Variants in LAMB4 observed in about 807,000 individuals in gnomAD.
LAMB4 encodes the protein laminin subunit beta 4.
Under a neutral mutation model 199.2 loss-of-function variants are expected in LAMB4, and 196 were observed. That is an observed-to-expected ratio of 0.98 (90% CI 0.88 to 1.11). LAMB4 has a LOEUF of 1.11. Among genes scored for constraint, LAMB4 ranks in the 50% least tolerant of loss-of-function variants. The probability of loss-of-function intolerance (pLI) is 0.00; values close to 1 mark genes in which losing one functional copy is unlikely to be tolerated. For synonymous variants in LAMB4, 744 were observed against 770.6 expected (o/e 0.97, Z 0.57); for missense variants, 2,080 against 2,171.2 (o/e 0.96, Z 0.83).
At chr7:108,111,264 A>T (rs1459116333) in intron 4 of LAMB4, among the ~76,000 whole-genome samples, 1 of 152,228 alleles carries the variant, frequency 6.6e-6, no homozygotes, top group Non-Finnish European at 1.5e-5. Flanking sequence ...GTCAGCGCCA[A>T]TGTAGGCTCA....
rs779937252 is a variant in LAMB4, at chr7:108,068,044, G to T, written c.2418C>A (p.Ser806Arg). The change falls in exon 19 of 34, where the codon AGC becomes AGA. Residue 806 changes from serine to arginine, a missense_variant. Ser to Arg is a moderately radical substitution (Grantham distance 110). Transcript: ENST00000388781. ...GACAGCCGTGATGCCCCAAATCATA[G>T]CTTCCAGTTGAGCACCTGTCACAGC... ...GRCCDRCSTG[S>R]YDLGHHGCHP... The T allele has an allele frequency of 3.1e-6, 5 of 1,614,046 alleles. No homozygotes were observed. In the African/African-American group the frequency reaches 6.7e-5, roughly 22 times the overall value.
At chr7:108,129,020 C>T (rs1252284698) in intron 1 of LAMB4, among the ~76,000 whole-genome samples, 1 of 152,172 alleles carries the variant, frequency 6.6e-6, no homozygotes, top group Non-Finnish European at 1.5e-5. Flanking sequence ...TTGCAATAAA[C>T]AGTGAAATAT....
chr7:108,098,655 T>C, intron 10 of LAMB4, 73 bp from the exon 11 acceptor site: 2 of 1,250,914 alleles, frequency 1.6e-6, no homozygotes, highest in Non-Finnish European at 2.2e-6. Flanking sequence ...CACGGCATTT[T>C]ACTCATGCTA....
chr7:108,025,444 T>TC lies in LAMB4; in HGVS notation c.5147-1267_5147-1266insG, dbSNP rs1563024896. On this transcript the variant is annotated intron_variant, in intron 33 of 33. Coordinates refer to ENST00000388781, the MANE Select transcript of LAMB4 (RefSeq NM_007356.3). ...TCTTTCTTTCTTTCTTTTTTTTTTT[T>TC]TGAGACAGAGTTTTGCTCTTGTTGC... Among the ~76,000 whole-genome samples the TC allele has an allele frequency of 7.2e-4, 85 of 118,212 alleles. 6 individuals carry two copies. The highest frequency in any genetic ancestry group is 4.4e-3 in the African/African-American group (65 of 14,666). 77.6% of individuals were successfully genotyped at this position (118,212 alleles called of 152,430 possible).
intron 25 of LAMB4, among the ~76,000 whole-genome samples, chr7:108,055,377 G>A (rs924091864): frequency 6.6e-6 from 1 of 151,992 alleles, no homozygotes; most frequent in Non-Finnish European, 1.5e-5. Context: ...AGTAGAGAGG[G>A]GGTTTCTCCA....
chr7:108,022,171 TG>T (rs1357314021), downstream of LAMB4, among the ~76,000 whole-genome samples: 1 of 152,246 alleles, frequency 6.6e-6, no homozygotes, highest in Admixed American at 6.5e-5. Context: ...TTTTGTATGC[TG>T]TCAGATATCC....
In LAMB4 at chr7:108,087,098, A is replaced by G. The variant is rs768359912; in HGVS notation, c.1701+4528T>C. Among the ~76,000 whole-genome samples, 57 of 152,154 alleles carry G rather than the reference A, an allele frequency of 3.7e-4. 1 individual carries two copies. Among genetic ancestry groups the G allele is most frequent in the Non-Finnish European group, 4.4e-5 (3 of 68,020 alleles). On this transcript the variant is annotated intron_variant, in intron 14 of 33. Coordinates refer to ENST00000388781, the MANE Select transcript of LAMB4 (RefSeq NM_007356.3). ...AAGCAAGTCCCCATGACTGGCACAC[A>G]TGATCCTGGTAGGGGGAGCAATGTC...
chr7:108,032,509 C>T (rs983157125), intron 31 of LAMB4, among the ~76,000 whole-genome samples: 6 of 152,140 alleles, frequency 3.9e-5, no homozygotes, highest in African/African-American at 1.4e-4. Flanking sequence ...TTTGCCTCTG[C>T]CAGGCATCTG....
At chr7:108,037,291 C>T in intron 30 of LAMB4, 97 bp downstream of exon 30, 1 of 938,870 alleles carries the variant, frequency 1.1e-6, no homozygotes, top group Non-Finnish European at 1.6e-6. Flanking sequence ...AAGGTAATTT[C>T]ATTTGAATGC....
intron 4 of LAMB4, among the ~76,000 whole-genome samples, chr7:108,110,342 T>A (rs1410119010): frequency 6.6e-6 from 1 of 152,208 alleles, no homozygotes. Flanking sequence ...AAATCAGTGA[T>A]TCTTTATTAT....
At chr7:108,124,074 G>A (rs1410338155) in intron 1 of LAMB4, among the ~76,000 whole-genome samples, 1 of 151,870 alleles carries the variant, frequency 6.6e-6, no homozygotes, top group Non-Finnish European at 1.5e-5. Flanking sequence ...GAGTACAGTG[G>A]TGCAATGGTG....
intron 30 of LAMB4, 144 bp downstream of exon 30, chr7:108,037,244 G>A (rs537056708): frequency 9.1e-6 from 6 of 660,292 alleles, no homozygotes; most frequent in African/African-American, 9.0e-5. Flanking sequence ...AATCTCCAAA[G>A]AGAGCTCAGC....
intron 11 of LAMB4, among the ~76,000 whole-genome samples, chr7:108,095,832 G>C (rs2037575274): frequency 6.6e-6 from 1 of 152,228 alleles, no homozygotes; most frequent in East Asian, 1.9e-4. Flanking sequence ...ATGTTGCAAA[G>C]GCTAAAAAGA....
rs763353477 is a variant in LAMB4 at position 108,043,788 on chromosome 7, T to G, written c.4435A>C (p.Asn1479His). ...TTTTTCACTTTTTTGATGAAAAGAT[T>G]GATGTTTTCTTCTTCAGAGTCACTT... ...NQSDSEEENI[N>H]LFIKKVKNFL... Residue 1479 changes from asparagine to histidine, a missense_variant, in exon 29 of 34, where the codon AAT (asparagine) becomes CAT (histidine). By Grantham distance (68) the Asn-to-His change is moderately conservative (BLOSUM62 1). Coordinates refer to ENST00000388781, the MANE Select transcript of LAMB4 (RefSeq NM_007356.3). The G allele has an allele frequency of 6.3e-7, 1 of 1,596,720 alleles. No individual in the cohort carries two copies. Among genetic ancestry groups the G allele is most frequent in the African/African-American group, 1.3e-5 (1 of 74,222 alleles).
intron 3 of LAMB4, among the ~76,000 whole-genome samples, chr7:108,114,182 G>A (rs1199120024): frequency 6.6e-6 from 1 of 152,218 alleles, no homozygotes; most frequent in African/African-American, 2.4e-5. Context: ...CAGCATTTGG[G>A]AGGCTGAGGC....
chr7:108,066,358 G>T lies in LAMB4; in HGVS notation c.2678+11C>A. ...AAGACCTAAAAATTAAAGTGCATAT[G>T]AATTCCATACCTTTCACAGTTTCTG... On this transcript the variant is annotated intron_variant, in intron 20 of 33. Coordinates refer to ENST00000388781, the MANE Select transcript of LAMB4 (RefSeq NM_007356.3). The T allele has an allele frequency of 1.3e-6, 2 of 1,598,628 alleles. No homozygotes were observed. Among genetic ancestry groups the T allele is most frequent in the East Asian group, 2.2e-5 (1 of 44,814 alleles).
At position 108,034,231 on chromosome 7, in the gene LAMB4, T is replaced by C; in HGVS notation, c.4795A>G (p.Lys1599Glu). The C allele has an allele frequency of 1.2e-6, 2 of 1,614,120 alleles. No individual in the cohort carries two copies. The highest frequency in any genetic ancestry group is 1.7e-6 in the Non-Finnish European group (2 of 1,180,000). The change falls in exon 31 of 34, where the codon AAA (lysine) becomes GAA (glutamate). Residue 1599 changes from lysine to glutamate, a missense_variant. Physicochemically the swap from Lys to Glu is moderately conservative, Grantham distance 56 (BLOSUM62 1). Transcript: ENST00000388781. ...ACCTGCAGCACATTCTTTTTTATTT[T>C]TGTTATATTGGCAGTCAGCTGTGTA... ...TITQLTANIT[K>E]IKKNVLQAEN... is the part of the protein sequence containing the mutation.
At position 108,103,191 on chromosome 7, in the gene LAMB4, T is replaced by C; in HGVS notation, c.1033A>G (p.Met345Val). The change falls in exon 10 of 34, where the codon ATG becomes GTG. Residue 345 changes from methionine (M) to valine (V), a missense_variant. Coordinates refer to ENST00000388781, the MANE Select transcript of LAMB4 (RefSeq NM_007356.3). ...NSHSSRCHFDMTTYLASGGLS... is the reference protein window; with the variant it reads ...NSHSSRCHFDVTTYLASGGLS... Reference sequence around the variant, plus strand: ...CCACCGCTTGCCAGGTACGTAGTCATGTCAAAGTGACAGCGGCTGGAGTGG... The same window carrying C: ...CCACCGCTTGCCAGGTACGTAGTCACGTCAAAGTGACAGCGGCTGGAGTGG... 1 of 1,592,540 alleles carries C rather than the reference T, an allele frequency of 6.3e-7. No individual in the cohort carries two copies. The highest frequency in any genetic ancestry group is 8.6e-7 in the Non-Finnish European group (1 of 1,168,820).
In LAMB4 at chr7:108,079,776, G is replaced by C. The variant is rs146912789; in HGVS notation, c.1712C>G (p.Thr571Arg). The C allele has an allele frequency of 1.3e-6, 2 of 1,581,040 alleles. No homozygotes were observed. Among genetic ancestry groups the C allele is most frequent in the Admixed American group, 1.9e-5 (1 of 53,252 alleles). The change falls in exon 15 of 34, where the codon ACG (threonine) becomes AGG (arginine). Residue 571 changes from threonine to arginine, a missense_variant. Thr to Arg is a moderately conservative substitution (Grantham distance 71). Coordinates refer to ENST00000388781, the MANE Select transcript of LAMB4 (RefSeq NM_007356.3). ...LQGLAPLGSE[T>R]FGQSPAVHVV... Reference sequence around the variant, plus strand: ...GTGAACAGCAGGACTCTGGCCAAACGTCTCCGAGCCCTAAAATGGGAGAGG... The same window carrying C: ...GTGAACAGCAGGACTCTGGCCAAACCTCTCCGAGCCCTAAAATGGGAGAGG...
Sources: allele counts gnomAD v4.1 joint callset (sites outside exome capture counted in the v4.1 genomes callset), GRCh38; gene constraint gnomAD v4.1.1; transcripts MANE v1.5; gene names NCBI Gene and HGNC (gene_info 2026-07-23, HGNC 2026-07-21).